CLPP: variants seen among roughly 807,000 people sequenced by gnomAD.
CLPP encodes caseinolytic mitochondrial matrix peptidase proteolytic subunit, also known as ATP-dependent Clp protease proteolytic subunit, mitochondrial.
In CLPP, 14 loss-of-function variants were observed where a neutral mutation model predicts 27.4. That is an observed-to-expected ratio of 0.51 (90% CI 0.34 to 0.80). The LOEUF is 0.80. CLPP is among the 30% of genes least tolerant of loss of function. CLPP has a pLI of 0.02. For missense variants in CLPP, 361 were observed against 403.6 expected (o/e 0.89, Z 0.90); for synonymous variants, 193 against 166.6 (o/e 1.16, Z -1.22).
At position 6,362,523 on chromosome 19, in the gene CLPP, C is replaced by T; in HGVS notation, c.348C>T (p.His116=). The change falls in exon 3 of 6, where the codon CAC becomes CAT. Residue 116 remains histidine, a synonymous_variant. Transcript: ENST00000245816. The stretch of plus-strand genomic sequence containing the variant: ...CCGAGAGCAACAAGAAGCCCATCCA[C>T]ATGTACATCAACAGCCCTGGTGAGC... ...LQSESNKKPI[H]MYINSPGGVV... 3 of 1,613,572 alleles carry T rather than the reference C, an allele frequency of 1.9e-6. No individual in the cohort carries two copies. The highest frequency in any genetic ancestry group is 2.5e-6 in the Non-Finnish European group (3 of 1,179,496).
At chr19:6,367,192 TG>T (rs1423893182) in intron 5 of CLPP, among the ~76,000 whole-genome samples, 2 of 151,840 alleles carry the variant, frequency 1.3e-5, no homozygotes, top group East Asian at 3.9e-4. Context: ...CTGACCAACA[TG>T]GTGAAACCCC....
chr19:6,366,451 G>A lies in CLPP; in HGVS notation c.661+88G>A, dbSNP rs200636187. 1.2e-4 allele frequency: 112 copies of A among 961,932 alleles called. No homozygotes were observed. In the East Asian group the frequency reaches 1.7e-3, roughly 14 times the overall value. 59.6% of individuals were successfully genotyped at this position (961,932 alleles called of 1,614,324 possible). A position where few individuals can be genotyped will look rare whatever the true frequency, so the allele number is the denominator to read the frequency against. ...CAGGGCTTCTCCACCTGGCCCCTGC[G>A]GACTTTCAGGGCTGGATCGTTCTCT... On this transcript the variant is annotated intron_variant, in intron 5 of 5. Coordinates refer to ENST00000245816, the MANE Select transcript of CLPP (RefSeq NM_006012.4).
intron 5 of CLPP, among the ~76,000 whole-genome samples, chr19:6,366,727 C>T (rs2091864517): frequency 2.0e-5 from 3 of 152,018 alleles, no homozygotes; most frequent in South Asian, 4.1e-4. Context: ...CAACCTCTGC[C>T]TCCTGGGCTC....
Position 6,361,606 on chromosome 19 carries a change from G to A in CLPP, c.32G>A (p.Arg11Gln), listed in dbSNP as rs535948477. 2.8e-6 allele frequency: 4 copies of A among 1,413,744 alleles called. No homozygotes were observed. Among genetic ancestry groups the A allele is most frequent in the African/African-American group, 3.0e-5 (2 of 66,022 alleles). The allele number at this position is 1,413,744 out of a possible 1,614,324, so 87.6% of individuals were successfully genotyped here. Residue 11 changes from arginine (R) to glutamine (Q), a missense_variant, in exon 1 of 6, where the codon CGG becomes CAG. Around this residue, in one of 2 missense-constraint regions of CLPP, gnomAD observed 148 missense variants for 122.6 expected, o/e 1.21. Transcript: ENST00000245816. Reference protein sequence around the residue: MWPGILVGGARVASCRYPALG... With the variant: MWPGILVGGAQVASCRYPALG... ...CCCGGAATATTGGTAGGGGGGGCCC[G>A]GGTGGCGTCATGCAGGTACCCCGCG...
Position 6,362,437 on chromosome 19 carries a change from C to T in CLPP, c.271-9C>T. On this transcript the variant is annotated splice_polypyrimidine_tract_variant and intron_variant, in intron 2 of 5. Transcript: ENST00000245816. ...AATCTGGGGACACCCCTGCCCTCTC[C>T]ACCTGCAGATCGATGACAGCGTTGC... 1 of 1,608,300 alleles carries T rather than the reference C, an allele frequency of 6.2e-7. No individual in the cohort carries two copies. Among genetic ancestry groups the T allele is most frequent in the South Asian group, 1.1e-5 (1 of 90,944 alleles).
chr19:6,363,788 G>A (rs933167794), intron 3 of CLPP, among the ~76,000 whole-genome samples: 2 of 151,450 alleles, frequency 1.3e-5, no homozygotes, highest in African/African-American at 2.4e-5. Flanking sequence ...CCAGCTACTC[G>A]GGAGGCTGAG....
At chr19:6,364,721 G>A (rs1037786422) in intron 4 of CLPP, 82 bp downstream of exon 4, 5 of 1,331,412 alleles carry the variant, frequency 3.8e-6, no homozygotes, top group African/African-American at 3.0e-5. Context: ...AGTCAAGCGT[G>A]GGAGGGGATG....
In CLPP at chr19:6,366,976, C is replaced by T. The variant is rs113236730; in HGVS notation, c.661+613C>T. The stretch of plus-strand genomic sequence containing the variant: ...AAGTGAGGCCAGGTGTGGTGGCTCA[C>T]ACCTGTAATCCCAGCACTTTGGGAG... On this transcript the variant is annotated intron_variant, in intron 5 of 5. Coordinates refer to ENST00000245816, the MANE Select transcript of CLPP (RefSeq NM_006012.4). Among the ~76,000 whole-genome samples, 648 of 152,002 alleles carry T rather than the reference C, an allele frequency of 4.3e-3. 3 individuals are homozygous for T. The highest frequency in any genetic ancestry group is 0.015 in the African/African-American group (610 of 41,516).
intron 5 of CLPP, among the ~76,000 whole-genome samples, chr19:6,368,060 A>T (rs2145055039): frequency 6.6e-6 from 1 of 152,208 alleles, no homozygotes; most frequent in South Asian, 2.1e-4. Context: ...AACAAAATTG[A>T]AATTGGTATT....
chr19:6,361,600 G>T lies in CLPP; in HGVS notation c.26G>T (p.Gly9Val). 1 of 1,413,342 alleles carries T rather than the reference G, an allele frequency of 7.1e-7. No homozygotes were observed. The highest frequency in any genetic ancestry group is 9.2e-7 in the Non-Finnish European group (1 of 1,082,428). The allele number at this position is 1,413,342 out of a possible 1,614,324, so 87.6% of individuals were successfully genotyped here. The change falls in exon 1 of 6, where the codon GGG (glycine) becomes GTG (valine). Residue 9 changes from glycine to valine, a missense_variant. Physicochemically the swap from Gly to Val is moderately radical, Grantham distance 109. Transcript: ENST00000245816. ...ATGTGGCCCGGAATATTGGTAGGGG[G>T]GGCCCGGGTGGCGTCATGCAGGTAC... MWPGILVG[G>V]ARVASCRYPA... is the part of the protein sequence containing the mutation.
rs2091852585 is a variant in CLPP at position 6,364,569 on chromosome 19, G to C, written c.485G>C (p.Gly162Ala). Residue 162 changes from glycine (G) to alanine (A), a missense_variant, in exon 4 of 6, where the codon GGC becomes GCC. Gly to Ala is a moderately conservative substitution (Grantham distance 60). This residue lies in a region of CLPP where 213 missense variants were observed against 280.9 expected (regional missense o/e 0.76). Transcript: ENST00000245816. ...ATGGGCTCCCTGCTTCTCGCCGCCGGCACCCCAGGCATGCGCCACTCGCTC... is the reference window on the plus strand; with the variant it reads ...ATGGGCTCCCTGCTTCTCGCCGCCGCCACCCCAGGCATGCGCCACTCGCTC... Reference protein sequence around the residue: ...ASMGSLLLAAGTPGMRHSLPN... With the variant: ...ASMGSLLLAAATPGMRHSLPN... The C allele has an allele frequency of 1.2e-6, 2 of 1,613,146 alleles. No homozygotes were observed. Among genetic ancestry groups the C allele is most frequent in the Non-Finnish European group, 1.7e-6 (2 of 1,179,894 alleles).
chr19:6,361,886 C>G lies in CLPP; in HGVS notation c.216C>G (p.Ala72=), dbSNP rs746981582. Residue 72 remains alanine, a synonymous_variant, in exon 2 of 6, where the codon GCC becomes GCG. Transcript: ENST00000245816. ...VVEQTGRGER[A]YDIYSRLLRE... ...ACCCCCAGGGTCGCGGCGAGCGCGC[C>G]TATGACATCTACTCGCGGCTGCTGC... 1.9e-6 allele frequency: 3 copies of G among 1,599,078 alleles called. No homozygotes were observed. In the African/African-American group the frequency reaches 4.0e-5, roughly 21 times the overall value.
intron 3 of CLPP, 143 bp downstream of exon 3, chr19:6,362,685 A>G (rs2091841990): frequency 1.6e-6 from 1 of 634,128 alleles, no homozygotes; most frequent in Non-Finnish European, 2.8e-6. Context: ...TTAAACCACC[A>G]AAAGGTGCCT....
chr19:6,369,133 AC>A lies in CLPP; in HGVS notation c.*424del, dbSNP rs200807921. 5.0e-3 allele frequency among the ~76,000 whole-genome samples: 759 copies of A among 152,288 alleles called. 3 individuals are homozygous for A. Among genetic ancestry groups the A allele is most frequent in the African/African-American group, 0.018 (740 of 41,554 alleles). ...TGGCAGTAGACAGTTACTAAAAAAA[AC>A]AAAACAGGCCAGGCGCGCTGGCTCA... On this transcript the variant is annotated 3_prime_UTR_variant, in exon 6 of 6. Coordinates refer to ENST00000245816, the MANE Select transcript of CLPP (RefSeq NM_006012.4).
chr19:6,362,410 C>T (rs759116972), intron 2 of CLPP, 36 bp from the exon 3 acceptor site: 1 of 1,499,738 alleles, frequency 6.7e-7, no homozygotes, highest in Non-Finnish European at 9.3e-7. Context: ...CTCCCCACCC[C>T]GAATCTGGGG....
At position 6,363,140 on chromosome 19, in the gene CLPP, T is replaced by A. The variant is rs201747558; in HGVS notation, c.367+598T>A. ...TGATGGAGGCATTTTTTTTTTTTTTTATTGAGATGGAGTCTCGTTCTGTCA... is the reference window on the plus strand; with the variant it reads ...TGATGGAGGCATTTTTTTTTTTTTTAATTGAGATGGAGTCTCGTTCTGTCA... On this transcript the variant is annotated intron_variant, in intron 3 of 5. Coordinates refer to ENST00000245816, the MANE Select transcript of CLPP (RefSeq NM_006012.4). Among the ~76,000 whole-genome samples the A allele has an allele frequency of 9.3e-4, 140 of 150,668 alleles. 1 individual carries two copies. Among genetic ancestry groups the A allele is most frequent in the African/African-American group, 2.8e-3 (115 of 40,870 alleles).
At chr19:6,362,589 C>T (rs372677421) in intron 3 of CLPP, 47 bp downstream of exon 3, 22 of 1,309,488 alleles carry the variant, frequency 1.7e-5, no homozygotes, top group Middle Eastern at 3.6e-4. Flanking sequence ...TCAGGGCACA[C>T]GGGTGACTCA....
chr19:6,366,748 C>T (rs1171271459), intron 5 of CLPP, among the ~76,000 whole-genome samples: 1 of 151,938 alleles, frequency 6.6e-6, no homozygotes, highest in Non-Finnish European at 1.5e-5. Context: ...AAGCAATTCT[C>T]CTGCCTCAGC....
rs1443971171 is a variant in CLPP, at chr19:6,361,634, G to A, written c.60G>A (p.Leu20=). The change falls in exon 1 of 6, where the codon CTG becomes CTA. Residue 20 remains leucine (L), a synonymous_variant. Transcript: ENST00000245816. ...TGGCGTCATGCAGGTACCCCGCGCT[G>A]GGGCCTCGCCTCGCCGCTCACTTTC... ...ARVASCRYPA[L]GPRLAAHFPA... 3 of 1,426,386 alleles carry A rather than the reference G, an allele frequency of 2.1e-6. No homozygotes were observed. The highest frequency in any genetic ancestry group is 1.5e-5 in the African/African-American group (1 of 66,576). 88.4% of individuals were successfully genotyped at this position (1,426,386 alleles called of 1,614,324 possible).
Sources: gnomAD v4.1 joint callset for allele counts (sites outside exome capture counted in the v4.1 genomes callset) on GRCh38, gnomAD v4.1.1 for gene constraint, gnomAD v4.1.1 regional missense constraint, MANE v1.5 for transcripts, NCBI Gene and HGNC (gene_info 2026-07-23, HGNC 2026-07-21) for gene names.